Variants in HPSE observed in about 807,000 individuals in gnomAD.
The protein encoded by HPSE is heparanase.
A neutral mutation model predicts 65.1 loss-of-function variants in HPSE; 48 were observed. The ratio of observed to expected loss-of-function variants is 0.74; its 90% CI spans 0.58 to 0.94. The LOEUF is 0.94. Among genes scored for constraint, HPSE ranks in the 40% least tolerant of loss-of-function variants. The pLI, the probability that HPSE is intolerant of heterozygous loss-of-function variation, is 0.00. For missense variants in HPSE, 644 were observed against 637.5 expected (o/e 1.01, Z -0.11); for synonymous variants, 243 against 260.0 (o/e 0.93, Z 0.63).
chr4:83,322,556 G>A (rs1468491598), intron 1 of HPSE, among the ~76,000 whole-genome samples, 192 bp from the exon 2 acceptor site: 1 of 151,916 alleles, frequency 6.6e-6, no homozygotes, highest in East Asian at 1.9e-4. Context: ...GCAGTGGCGC[G>A]ATCTCACTTC....
chr4:83,297,027 T>C (rs1435407721), intron 11 of HPSE, among the ~76,000 whole-genome samples: 2 of 152,242 alleles, frequency 1.3e-5, no homozygotes, highest in African/African-American at 4.8e-5. Flanking sequence ...TGCCTAGCAA[T>C]GTCATAGTCA....
intron 6 of HPSE, among the ~76,000 whole-genome samples, chr4:83,309,717 G>A (rs1736292624): frequency 6.6e-6 from 1 of 152,122 alleles, no homozygotes; most frequent in Non-Finnish European, 1.5e-5. Flanking sequence ...AAAAAACACA[G>A]TGGCAAGTAC....
intron 1 of HPSE, among the ~76,000 whole-genome samples, chr4:83,331,441 A>G (rs1298371187): frequency 6.6e-6 from 1 of 152,212 alleles, no homozygotes; most frequent in Non-Finnish European, 1.5e-5. Flanking sequence ...AAAATTACAT[A>G]TGACCTTGCA....
At chr4:83,316,347 A>AAC (rs1553920266) in intron 3 of HPSE, among the ~76,000 whole-genome samples, 877 of 79,842 alleles carry the variant, frequency 0.011, 4 homozygotes, top group African/African-American at 0.016. Flanking sequence ...TAAAAAAAAA[A>AAC]AACAAAAAAA....
intron 1 of HPSE, among the ~76,000 whole-genome samples, chr4:83,325,047 C>T (rs1317902252): frequency 6.6e-6 from 1 of 151,586 alleles, no homozygotes; most frequent in Non-Finnish European, 1.5e-5. Context: ...ATGTGGTGAG[C>T]TAGATGGTAG....
At chr4:83,332,061 G>C (rs912631915) in intron 1 of HPSE, among the ~76,000 whole-genome samples, 1 of 152,326 alleles carries the variant, frequency 6.6e-6, no homozygotes, top group African/African-American at 2.4e-5. Flanking sequence ...AACAGGGCCA[G>C]GCAAATGACA....
chr4:83,329,405 T>C (rs184471184), intron 1 of HPSE, among the ~76,000 whole-genome samples: 1 of 152,146 alleles, frequency 6.6e-6, no homozygotes, highest in Non-Finnish European at 1.5e-5. Flanking sequence ...GAACAGGGAT[T>C]TGGGGTTATT....
upstream of HPSE, chr4:83,335,087 G>A (rs971979919): frequency 1.4e-4 from 47 of 331,766 alleles, no homozygotes; most frequent in African/African-American, 9.1e-4. Flanking sequence ...GGAGATGGCC[G>A]GGATCCAAGC....
chr4:83,310,990 A>C (rs1736346778), intron 4 of HPSE, 100 bp from the exon 5 acceptor site: 1 of 979,382 alleles, frequency 1.0e-6, no homozygotes, highest in East Asian at 2.5e-5. Flanking sequence ...TCCAAATTAC[A>C]AAAACTTGTA....
At chr4:83,316,571 C>G (rs1736651425) in intron 3 of HPSE, among the ~76,000 whole-genome samples, 1 of 152,016 alleles carries the variant, frequency 6.6e-6, no homozygotes, top group African/African-American at 2.4e-5. Flanking sequence ...TGTCAGCATC[C>G]AATGTGGGCC....
At chr4:83,319,038 A>G (rs1210961145) in intron 3 of HPSE, among the ~76,000 whole-genome samples, 1 of 152,162 alleles carries the variant, frequency 6.6e-6, no homozygotes, top group Admixed American at 6.5e-5. Context: ...TTTTAATTTT[A>G]CATGAGGAAT....
At position 83,322,323 on chromosome 4, in the gene HPSE, G is replaced by T. The variant is rs757702541; in HGVS notation, c.269C>A (p.Ala90Glu). The change falls in exon 2 of 12, where the codon GCG becomes GAG. Residue 90 changes from alanine (A) to glutamate (E), a missense_variant. By Grantham distance (107) the Ala-to-Glu change is moderately radical. Transcript: ENST00000311412. ...LRTLARGLSP[A>E]YLRFGGTKTD... ...CTTGGTGCCACCAAACCTCAGGTAC[G>T]CAGGAGACAAGCCTCTGGCCAAGGT... 2.5e-6 allele frequency: 4 copies of T among 1,613,348 alleles called. No homozygotes were observed. Among genetic ancestry groups the T allele is most frequent in the African/African-American group, 1.3e-5 (1 of 74,906 alleles).
In HPSE at chr4:83,295,345, C is replaced by T; in HGVS notation, c.1631G>A (p.Ter544=). 6.2e-7 allele frequency: 1 copy of T among 1,602,468 alleles called. No homozygotes were observed. The highest frequency in any genetic ancestry group is 8.5e-7 in the Non-Finnish European group (1 of 1,173,216). ...IRNAKVAACI[*] is the part of the protein sequence containing the mutation. ...TGTCAGGACTAGTATATTTTATTTTCAGATGCAAGCAGCAACTTTGGCATT... is the reference window on the plus strand; with the variant it reads ...TGTCAGGACTAGTATATTTTATTTTTAGATGCAAGCAGCAACTTTGGCATT... The change falls in exon 12 of 12, where the codon TGA becomes TAA. Residue 544 remains the stop codon, a stop_retained_variant. Coordinates refer to ENST00000311412, the MANE Select transcript of HPSE (RefSeq NM_001098540.3).
intron 11 of HPSE, among the ~76,000 whole-genome samples, chr4:83,298,854 AT>A (rs1341092357): frequency 1.3e-5 from 2 of 152,078 alleles, no homozygotes; most frequent in Non-Finnish European, 2.9e-5. Flanking sequence ...GATAGTAATA[AT>A]TTTTAAAGGT....
chr4:83,314,097 A>G (rs1477246870), intron 3 of HPSE, among the ~76,000 whole-genome samples: 6 of 151,978 alleles, frequency 3.9e-5, no homozygotes, highest in Non-Finnish European at 8.8e-5. Flanking sequence ...TACAAAAAAC[A>G]CAAAAATTAG....
intron 1 of HPSE, among the ~76,000 whole-genome samples, chr4:83,322,787 G>GTT (rs1553920741): frequency 0.26 from 29,280 of 111,508 alleles, 4,315 homozygotes; most frequent in Non-Finnish European, 0.33. Flanking sequence ...GCAAGAGCTT[G>GTT]TTTGTGTGTG....
rs1736253084 is a variant in HPSE, at chr4:83,308,876, A to C, written c.1060T>G (p.Leu354Val). ...TSSAYGGGAP[L>V]LSDTFAAGFM... ...CCAGCTGCAAAGGTGTCGGATAGCAAGGGCGCTCCGCCTCCATATGCAGAG... is the reference window on the plus strand; with the variant it reads ...CCAGCTGCAAAGGTGTCGGATAGCACGGGCGCTCCGCCTCCATATGCAGAG... Residue 354 changes from leucine to valine, a missense_variant, in exon 8 of 12, where the codon TTG (leucine) becomes GTG (valine). Transcript: ENST00000311412. 2 of 1,614,100 alleles carry C rather than the reference A, an allele frequency of 1.2e-6. No individual in the cohort carries two copies. Among genetic ancestry groups the C allele is most frequent in the Non-Finnish European group, 1.7e-6 (2 of 1,179,982 alleles).
intron 10 of HPSE, 66 bp from the exon 11 acceptor site, chr4:83,301,172 C>A (rs979779693): frequency 2.0e-6 from 2 of 1,019,910 alleles, no homozygotes; most frequent in Admixed American, 5.0e-5. Flanking sequence ...AACTCAATTA[C>A]AAATGTGATC....
chr4:83,334,216 T>A (rs1373938156), intron 1 of HPSE, among the ~76,000 whole-genome samples: 1 of 152,046 alleles, frequency 6.6e-6, no homozygotes, highest in African/African-American at 2.4e-5. Flanking sequence ...GGGAGAGGGA[T>A]GAGGGATGAG....
Sources: gnomAD v4.1 joint callset for allele counts (sites outside exome capture counted in the v4.1 genomes callset) on GRCh38, gnomAD v4.1.1 for gene constraint, MANE v1.5 for transcripts, NCBI Gene and HGNC (gene_info 2026-07-23, HGNC 2026-07-21) for gene names.